Variants in PLPP4 observed in about 807,000 individuals in gnomAD.
PLPP4 encodes phospholipid phosphatase 4.
Under a neutral mutation model 32.2 loss-of-function variants are expected in PLPP4, and 20 were observed. That is an observed-to-expected ratio of 0.62 (90% CI 0.44 to 0.90). PLPP4 has a LOEUF of 0.90. Ranked by LOEUF, PLPP4 falls within the 40% of genes least tolerant of loss-of-function variation. The pLI is 0.00. For synonymous variants in PLPP4, 127 were observed against 133.0 expected (o/e 0.95, Z 0.31); for missense variants, 257 against 353.1 (o/e 0.73, Z 2.18).
chr10:120,490,826 A>T (rs1844685978), intron 1 of PLPP4, among the ~76,000 whole-genome samples: 1 of 152,248 alleles, frequency 6.6e-6, no homozygotes, highest in Non-Finnish European at 1.5e-5. Flanking sequence ...ATTACAAGGA[A>T]GGAAAATCTC....
intron 5 of PLPP4, among the ~76,000 whole-genome samples, chr10:120,551,562 A>G (rs1412942330): frequency 2.0e-5 from 3 of 152,240 alleles, no homozygotes; most frequent in African/African-American, 7.2e-5. Context: ...AGAAAACATT[A>G]TGTTGAGAAA....
At chr10:120,544,870 A>G (rs1847537838) in intron 5 of PLPP4, among the ~76,000 whole-genome samples, 1 of 152,228 alleles carries the variant, frequency 6.6e-6, no homozygotes, top group Non-Finnish European at 1.5e-5. Flanking sequence ...CCAGAGTGTC[A>G]ACCAGGGAAT....
rs1242136933 is a variant in PLPP4 at position 120,590,374 on chromosome 10, AT to A, written c.*874del. ...ATCTCAAGGGAGTGGCTGAGTGGCC[AT>A]TGGGGATAAGAAGCAACTTCAGGCT... is the stretch of plus-strand genomic sequence containing the variant. On this transcript the variant is annotated 3_prime_UTR_variant, in exon 7 of 7. Transcript: ENST00000398250. 1.1e-3 allele frequency among the ~76,000 whole-genome samples: 167 copies of A among 152,314 alleles called. No individual in the cohort carries two copies. Among genetic ancestry groups the A allele is most frequent in the Non-Finnish European group, 1.6e-3 (112 of 68,030 alleles).
intron 1 of PLPP4, among the ~76,000 whole-genome samples, chr10:120,499,767 G>T (rs552496898): frequency 2.3e-4 from 35 of 152,236 alleles, no homozygotes; most frequent in African/African-American, 8.4e-4. Flanking sequence ...TTTGGGAACC[G>T]CCGACCTAAC....
chr10:120,474,873 T>C (rs181960984), intron 1 of PLPP4, among the ~76,000 whole-genome samples: 9 of 152,372 alleles, frequency 5.9e-5, no homozygotes, highest in African/African-American at 1.9e-4. Context: ...AATTTTATAA[T>C]GCTTTCATTT....
At position 120,521,078 on chromosome 10, in the gene PLPP4, C is replaced by T. The variant is rs759554121; in HGVS notation, c.428C>T (p.Pro143Leu). Residue 143 changes from proline (P) to leucine (L), a missense_variant, in exon 5 of 7, where the codon CCC becomes CTC. Pro to Leu is a moderately conservative substitution (Grantham distance 98). Coordinates refer to ENST00000398250, the MANE Select transcript of PLPP4 (RefSeq NM_001030059.3). ...GTGTCCGAGGGCCGCAAAAGCTTCC[C>T]CAGCATCCATTCCTCCTGTAAGTTC... ...DLVSEGRKSFPSIHSSFAFSG... is the reference protein window; with the variant it reads ...DLVSEGRKSFLSIHSSFAFSG... 1.2e-6 allele frequency: 2 copies of T among 1,614,064 alleles called. No individual in the cohort carries two copies. The highest frequency in any genetic ancestry group is 3.3e-5 in the Admixed American group (2 of 60,012).
At position 120,467,071 on chromosome 10, in the gene PLPP4, A is replaced by C. The variant is rs182479976; in HGVS notation, c.56+9710A>C. On this transcript the variant is annotated intron_variant, in intron 1 of 6. Coordinates refer to ENST00000398250, the MANE Select transcript of PLPP4 (RefSeq NM_001030059.3). ...AAGAAAAAGAAATTGCCAGTATATA[A>C]GTATGTGTAGGTTTGTTTTTTTTTT... is the stretch of plus-strand genomic sequence containing the variant. 3.9e-3 allele frequency among the ~76,000 whole-genome samples: 588 copies of C among 152,108 alleles called. 5 individuals carry two copies. Among genetic ancestry groups the C allele is most frequent in the African/African-American group, 0.013 (555 of 41,490 alleles).
At chr10:120,531,584 T>C (rs1846723987) in intron 5 of PLPP4, among the ~76,000 whole-genome samples, 1 of 152,212 alleles carries the variant, frequency 6.6e-6, no homozygotes, top group South Asian at 2.1e-4. Context: ...CTTTTATATT[T>C]AGGCTTTTCT....
intron 1 of PLPP4, among the ~76,000 whole-genome samples, chr10:120,472,571 A>C (rs190997423): frequency 6.6e-6 from 1 of 152,098 alleles, no homozygotes; most frequent in African/African-American, 2.4e-5. Flanking sequence ...TGGTCTCATT[A>C]GTATTTTTCC....
At chr10:120,499,129 G>C (rs1413107728) in intron 1 of PLPP4, among the ~76,000 whole-genome samples, 1 of 152,172 alleles carries the variant, frequency 6.6e-6, no homozygotes, top group Non-Finnish European at 1.5e-5. Flanking sequence ...TGGTTAAAGA[G>C]TTGCTGCAAT....
intron 1 of PLPP4, among the ~76,000 whole-genome samples, chr10:120,469,421 G>T (rs1848420385): frequency 6.6e-6 from 1 of 151,992 alleles, no homozygotes; most frequent in Non-Finnish European, 1.5e-5. Context: ...TAGAGACAGG[G>T]TTTCACCGTG....
At chr10:120,574,255 C>T (rs1216658919) in intron 5 of PLPP4, among the ~76,000 whole-genome samples, 1 of 145,298 alleles carries the variant, frequency 6.9e-6, no homozygotes, top group Non-Finnish European at 1.5e-5. Flanking sequence ...AACAGAATGG[C>T]TGGCAATGGA....
At chr10:120,522,334 C>T (rs1196291477) in intron 5 of PLPP4, among the ~76,000 whole-genome samples, 1 of 152,070 alleles carries the variant, frequency 6.6e-6, no homozygotes, top group Non-Finnish European at 1.5e-5. Context: ...GGCCTGTCAA[C>T]GAGACATTAG....
intron 5 of PLPP4, among the ~76,000 whole-genome samples, chr10:120,558,113 T>A (rs1848242955): frequency 1.3e-5 from 2 of 151,624 alleles, no homozygotes; most frequent in Admixed American, 1.3e-4. Flanking sequence ...ACTATACCCT[T>A]AGAAATCCTA....
chr10:120,571,077 A>G (rs996767900), intron 5 of PLPP4, among the ~76,000 whole-genome samples: 2 of 144,194 alleles, frequency 1.4e-5, no homozygotes, highest in Non-Finnish European at 3.0e-5. Context: ...CTTCCTTCCC[A>G]TCAGTAGTAA....
chr10:120,494,056 C>T (rs922414895), intron 1 of PLPP4, among the ~76,000 whole-genome samples: 1 of 152,066 alleles, frequency 6.6e-6, no homozygotes, highest in East Asian at 1.9e-4. Flanking sequence ...CTGGTCATAT[C>T]AATAAGAAAT....
chr10:120,458,845 T>G (rs1847910324), intron 1 of PLPP4, among the ~76,000 whole-genome samples: 1 of 152,202 alleles, frequency 6.6e-6, no homozygotes, highest in South Asian at 2.1e-4. Flanking sequence ...AAAACCTCAT[T>G]AAATTATTAT....
intron 1 of PLPP4, among the ~76,000 whole-genome samples, chr10:120,502,109 T>G (rs1308277500): frequency 6.6e-6 from 1 of 152,166 alleles, no homozygotes; most frequent in Non-Finnish European, 1.5e-5. Flanking sequence ...GATTCTGTAA[T>G]AGAAGTGCTC....
At chr10:120,457,384 C>T (rs1215034746) in intron 1 of PLPP4, 23 bp downstream of exon 1, 2 of 1,527,094 alleles carry the variant, frequency 1.3e-6, no homozygotes, top group South Asian at 2.5e-5. Flanking sequence ...GCACCGCGGG[C>T]AGGGCGCACT....
Sources: gnomAD v4.1 joint callset for allele counts (sites outside exome capture counted in the v4.1 genomes callset) on GRCh38, gnomAD v4.1.1 for gene constraint, MANE v1.5 for transcripts, NCBI Gene and HGNC (gene_info 2026-07-23, HGNC 2026-07-21) for gene names.